MYRIP: variants seen among roughly 807,000 people sequenced by gnomAD.
The protein encoded by MYRIP is rab effector MyRIP.
A neutral mutation model predicts 98.0 loss-of-function variants in MYRIP; 49 were observed. That is an observed-to-expected ratio of 0.50 (90% confidence interval 0.40 to 0.63). The LOEUF is 0.63. MYRIP is among the 30% of genes least tolerant of loss of function. The pLI, the probability that MYRIP is intolerant of heterozygous loss-of-function variation, is 0.00. For missense variants in MYRIP, 1,004 were observed against 1,058.2 expected (o/e 0.95, Z 0.71); for synonymous variants, 404 against 409.5 (o/e 0.99, Z 0.16).
intron 1 of MYRIP, among the ~76,000 whole-genome samples, chr3:39,850,862 G>A (rs1212481658): frequency 6.6e-6 from 1 of 152,170 alleles, no homozygotes; most frequent in East Asian, 1.9e-4. Context: ...AGTTGAAACT[G>A]AAAGGGAAAT....
chr3:40,038,620 A>G (rs997939592), intron 2 of MYRIP, among the ~76,000 whole-genome samples: 1 of 152,150 alleles, frequency 6.6e-6, no homozygotes, highest in Non-Finnish European at 1.5e-5. Flanking sequence ...CTTTATATCA[A>G]CACACTTGAA....
At chr3:40,130,752 A>G (rs1475381898) in intron 3 of MYRIP, among the ~76,000 whole-genome samples, 2 of 152,044 alleles carry the variant, frequency 1.3e-5, no homozygotes, top group Non-Finnish European at 2.9e-5. Context: ...AGACTGGTAT[A>G]TCCAAATGCC....
intron 2 of MYRIP, among the ~76,000 whole-genome samples, chr3:39,984,550 A>G (rs1281448150): frequency 6.6e-6 from 1 of 152,244 alleles, no homozygotes; most frequent in Non-Finnish European, 1.5e-5. Flanking sequence ...TACAAAGGAC[A>G]TAAACGCATC....
intron 2 of MYRIP, among the ~76,000 whole-genome samples, chr3:39,934,246 C>A (rs565771818): frequency 1.3e-5 from 2 of 152,154 alleles, no homozygotes; most frequent in African/African-American, 2.4e-5. Flanking sequence ...AAAGTACAGG[C>A]TGTGGTATTT....
intron 10 of MYRIP, among the ~76,000 whole-genome samples, chr3:40,208,471 C>T (rs1320925695): frequency 6.6e-6 from 1 of 152,192 alleles, no homozygotes; most frequent in Non-Finnish European, 1.5e-5. Flanking sequence ...GTAAGAGTCA[C>T]ACTCTCTATG....
At chr3:39,869,450 C>G (rs1942718870) in intron 1 of MYRIP, among the ~76,000 whole-genome samples, 1 of 151,932 alleles carries the variant, frequency 6.6e-6, no homozygotes, top group Non-Finnish European at 1.5e-5. Flanking sequence ...TCTGGTGATA[C>G]ATCATTCTTA....
At chr3:39,982,229 T>G (rs775110726) in intron 2 of MYRIP, among the ~76,000 whole-genome samples, 2 of 152,170 alleles carry the variant, frequency 1.3e-5, no homozygotes, top group East Asian at 3.8e-4. Context: ...TTTATCCAAG[T>G]CAACTTAATA....
intron 1 of MYRIP, among the ~76,000 whole-genome samples, chr3:39,890,714 T>C (rs1369994005): frequency 6.6e-6 from 1 of 151,966 alleles, no homozygotes; most frequent in Non-Finnish European, 1.5e-5. Flanking sequence ...TTTTTTGTTT[T>C]GATTTTTTAT....
In MYRIP at chr3:40,151,203, G is replaced by A. The variant is rs774251128; in HGVS notation, c.469+19G>A. On this transcript the variant is annotated intron_variant, in intron 4 of 16. Coordinates refer to ENST00000302541, the MANE Select transcript of MYRIP (RefSeq NM_015460.4). ...ATTCTAGGTACTCTCACTTCCTGCC[G>A]CTCTGGGAGTCTTTGGTGGGCTGGT... 9 of 1,581,534 alleles carry A rather than the reference G, an allele frequency of 5.7e-6. No individual in the cohort carries two copies. Among genetic ancestry groups the A allele is most frequent in the East Asian group, 2.3e-5 (1 of 44,002 alleles).
At chr3:40,076,201 C>A (rs1008327899) in intron 3 of MYRIP, among the ~76,000 whole-genome samples, 4 of 151,980 alleles carry the variant, frequency 2.6e-5, no homozygotes, top group African/African-American at 9.7e-5. Context: ...CAGAGCAAGA[C>A]CCTGTCTCAA....
intron 2 of MYRIP, among the ~76,000 whole-genome samples, chr3:39,979,090 A>C (rs1305260727): frequency 6.6e-6 from 1 of 152,146 alleles, no homozygotes; most frequent in Non-Finnish European, 1.5e-5. Flanking sequence ...CCTAAGTCCT[A>C]AAGTTTTTCA....
At position 39,980,069 on chromosome 3, in the gene MYRIP, G is replaced by A. The variant is rs111399577; in HGVS notation, c.111-63981G>A. On this transcript the variant is annotated intron_variant, in intron 2 of 16. Coordinates refer to ENST00000302541, the MANE Select transcript of MYRIP (RefSeq NM_015460.4). ...AACAGCTGTAACACAGGTTATGAAGGCAAAAGATCATAATGCTGCCTAGGT... is the reference window on the plus strand; with the variant it reads ...AACAGCTGTAACACAGGTTATGAAGACAAAAGATCATAATGCTGCCTAGGT... 9.0e-3 allele frequency among the ~76,000 whole-genome samples: 1,369 copies of A among 152,274 alleles called. 15 individuals are homozygous for A. Among genetic ancestry groups the A allele is most frequent in the African/African-American group, 0.032 (1,311 of 41,538 alleles).
intron 2 of MYRIP, among the ~76,000 whole-genome samples, chr3:39,926,639 G>A (rs1211595306): frequency 1.3e-5 from 2 of 152,044 alleles, no homozygotes; most frequent in African/African-American, 4.8e-5. Context: ...AGATCAGATG[G>A]TTGTAGGTGT....
At chr3:40,256,915 GCC>G (rs1344792600) in intron 16 of MYRIP, among the ~76,000 whole-genome samples, 16 of 152,064 alleles carry the variant, frequency 1.1e-4, no homozygotes, top group Admixed American at 8.5e-4. Flanking sequence ...CATGTTCTGT[GCC>G]CATCACACAC....
At chr3:40,059,184 G>C (rs1947948526) in intron 3 of MYRIP, among the ~76,000 whole-genome samples, 1 of 152,102 alleles carries the variant, frequency 6.6e-6, no homozygotes, top group African/African-American at 2.4e-5. Flanking sequence ...GTCTATTATT[G>C]ATAGGTATTT....
chr3:40,257,525 A>G (rs34027234), intron 16 of MYRIP, among the ~76,000 whole-genome samples: 4,999 of 152,350 alleles, frequency 0.033, 110 homozygotes, highest in South Asian at 0.057. Context: ...AACACTAGGC[A>G]TAAGTGGATT....
At chr3:40,146,155 A>C (rs1196996740) in intron 3 of MYRIP, among the ~76,000 whole-genome samples, 1 of 152,228 alleles carries the variant, frequency 6.6e-6, no homozygotes, top group Non-Finnish European at 1.5e-5. Flanking sequence ...GGTACAAAGA[A>C]GTATTCTGTA....
chr3:40,076,243 T>C (rs1482803519), intron 3 of MYRIP, among the ~76,000 whole-genome samples: 3 of 152,060 alleles, frequency 2.0e-5, no homozygotes, highest in Non-Finnish European at 4.4e-5. Flanking sequence ...CAAAATGTAG[T>C]GATTTAAAGA....
intron 10 of MYRIP, among the ~76,000 whole-genome samples, chr3:40,201,344 G>A (rs1008076329): frequency 6.6e-6 from 1 of 152,182 alleles, no homozygotes; most frequent in African/African-American, 2.4e-5. Flanking sequence ...CAGAGGAGGG[G>A]TGGATACCAA....
Sources: allele counts gnomAD v4.1 joint callset (sites outside exome capture counted in the v4.1 genomes callset), GRCh38; gene constraint gnomAD v4.1.1; transcripts MANE v1.5; gene names NCBI Gene and HGNC (gene_info 2026-07-23, HGNC 2026-07-21).